The following PPFIA1 variants were observed in gnomAD, a reference collection of about 807,000 sequenced individuals.
PPFIA1 encodes PPFI scaffold protein A1.
Under a neutral mutation model 149.9 loss-of-function variants are expected in PPFIA1, and 25 were observed. The ratio of observed to expected loss-of-function variants is 0.17; its 90% CI spans 0.12 to 0.23. The LOEUF is 0.23. PPFIA1 is among the 10% of genes least tolerant of loss of function. PPFIA1 has a pLI of 1.00. For missense variants in PPFIA1, 1,362 were observed against 1,506.5 expected, an observed-to-expected ratio of 0.90 and a Z score of 1.59; for synonymous variants, 549 against 552.8, an observed-to-expected ratio of 0.99 and a Z score of 0.10.
chr11:70,297,324 G>A (rs1442916429), intron 2 of PPFIA1, among the ~76,000 whole-genome samples: 3 of 151,976 alleles, frequency 2.0e-5, no homozygotes, highest in Admixed American at 6.6e-5. Flanking sequence ...CGAGCGGATC[G>A]CCTGAACCTA....
intron 15 of PPFIA1, among the ~76,000 whole-genome samples, chr11:70,345,073 G>A (rs1439677443): frequency 6.7e-6 from 1 of 148,874 alleles, no homozygotes; most frequent in Admixed American, 6.7e-5. Flanking sequence ...TACTCTAGGA[G>A]AGGGCGAGGA....
intron 2 of PPFIA1, chr11:70,279,256 G>T (rs1487052184): frequency 1.0e-5 from 3 of 293,810 alleles, no homozygotes; most frequent in East Asian, 8.1e-5. Flanking sequence ...AGCTGCCTTT[G>T]TTGGCCTTTC....
At chr11:70,275,643 G>A (rs187561700) in intron 2 of PPFIA1, among the ~76,000 whole-genome samples, 8 of 152,184 alleles carry the variant, frequency 5.3e-5, no homozygotes, top group African/African-American at 1.9e-4. Flanking sequence ...AGTTGACCTT[G>A]CATAATTTCT....
In PPFIA1 at chr11:70,383,227, T is replaced by C. The variant is rs1438135034; in HGVS notation, c.*237T>C. On this transcript the variant is annotated 3_prime_UTR_variant, in exon 28 of 28. Transcript: ENST00000253925. ...ATGTAAACTTATGACTCTTCATTTA[T>C]ATAGTTACTTACTTTTTCATGTATA... 2 of 297,464 alleles carry C rather than the reference T, an allele frequency of 6.7e-6. No individual in the cohort carries two copies. The highest frequency in any genetic ancestry group is 6.3e-6 in the Non-Finnish European group (1 of 159,688). 18.4% of individuals were successfully genotyped at this position (297,464 alleles called of 1,614,324 possible). A position where few individuals can be genotyped will look rare whatever the true frequency, so the allele number is the denominator to read the frequency against.
At chr11:70,276,363 T>C (rs1565329654) in intron 2 of PPFIA1, among the ~76,000 whole-genome samples, 1 of 152,056 alleles carries the variant, frequency 6.6e-6, no homozygotes, top group African/African-American at 2.4e-5. Flanking sequence ...TAAAAAAAAT[T>C]TACAATTGTA....
In PPFIA1 at chr11:70,324,869, G is replaced by T; in HGVS notation, c.389G>T (p.Cys130Phe). 1 of 1,598,156 alleles carries T rather than the reference G, an allele frequency of 6.3e-7. No individual in the cohort carries two copies. The highest frequency in any genetic ancestry group is 8.5e-7 in the Non-Finnish European group (1 of 1,173,908). ...CAGCTGCTGTTAGAGCATTTGGAAT[G>T]CCTTGTCTCCAGGCATGAGCGGTCT... Reference protein sequence around the residue: ...NTRLLLEHLECLVSRHERSLR... With the variant: ...NTRLLLEHLEFLVSRHERSLR... The change falls in exon 4 of 28, where the codon TGC becomes TTC. Residue 130 changes from cysteine to phenylalanine, a missense_variant. Physicochemically the swap from Cys to Phe is radical, Grantham distance 205. Around this residue, in one of 7 missense-constraint regions of PPFIA1, gnomAD observed 79 missense variants for 146.2 expected, o/e 0.54. Coordinates refer to ENST00000253925, the MANE Select transcript of PPFIA1 (RefSeq NM_003626.5).
intron 2 of PPFIA1, among the ~76,000 whole-genome samples, chr11:70,306,610 A>G (rs1425537130): frequency 6.6e-6 from 1 of 152,216 alleles, no homozygotes; most frequent in African/African-American, 2.4e-5. Flanking sequence ...ATAAGGCCCG[A>G]TGTGTGTACT....
chr11:70,276,236 A>G (rs2136014526), intron 2 of PPFIA1, among the ~76,000 whole-genome samples: 1 of 148,748 alleles, frequency 6.7e-6, no homozygotes, highest in South Asian at 2.1e-4. Flanking sequence ...CCTCTCAAGT[A>G]GTTGGAATTA....
chr11:70,284,896 G>T (rs879448169), intron 2 of PPFIA1, among the ~76,000 whole-genome samples: 1 of 152,182 alleles, frequency 6.6e-6, no homozygotes, highest in African/African-American at 2.4e-5. Context: ...GTGAAGACTT[G>T]CTTGTTTTTG....
chr11:70,307,656 C>T (rs1482513085), intron 2 of PPFIA1, among the ~76,000 whole-genome samples: 2 of 152,086 alleles, frequency 1.3e-5, no homozygotes, highest in Non-Finnish European at 2.9e-5. Context: ...TGGGTGTGAT[C>T]GCCCCTGTAG....
At chr11:70,375,240 T>TTG (rs2057441567) in intron 24 of PPFIA1, 147 bp downstream of exon 24, 1 of 275,594 alleles carries the variant, frequency 3.6e-6, no homozygotes, top group African/African-American at 2.3e-5. Flanking sequence ...TTTTTTTTTT[T>TTG]GGTCTATTGG....
chr11:70,293,808 A>G (rs988685174), intron 2 of PPFIA1, among the ~76,000 whole-genome samples: 3 of 152,194 alleles, frequency 2.0e-5, no homozygotes, highest in African/African-American at 7.2e-5. Flanking sequence ...TGAGACCCTC[A>G]GCCTCTGCTT....
intron 23 of PPFIA1, 114 bp from the exon 24 acceptor site, chr11:70,374,804 C>T: frequency 1.0e-6 from 1 of 957,464 alleles, no homozygotes; most frequent in Non-Finnish European, 1.6e-6. Flanking sequence ...GCACTTTTCT[C>T]AGGAGCCGAA....
At chr11:70,377,631 T>C (rs547316351) in intron 25 of PPFIA1, among the ~76,000 whole-genome samples, 1 of 152,216 alleles carries the variant, frequency 6.6e-6, no homozygotes, top group South Asian at 2.1e-4. Flanking sequence ...ACCACTGCAT[T>C]CCAGCTCGGG....
At chr11:70,356,019 T>C in intron 18 of PPFIA1, 142 bp from the exon 19 acceptor site, 3 of 1,019,006 alleles carry the variant, frequency 2.9e-6, no homozygotes, top group Non-Finnish European at 4.6e-6. Flanking sequence ...ATTTCCGTCT[T>C]GGGCATTTGG....
At chr11:70,378,699 C>A in intron 26 of PPFIA1, 1 of 156,680 alleles carries the variant, frequency 6.4e-6, no homozygotes. Flanking sequence ...CATGTCTACC[C>A]ATTAGAGGGC....
chr11:70,335,663 T>G lies in PPFIA1; in HGVS notation c.1397T>G (p.Leu466Arg). The change falls in exon 11 of 28, where the codon CTT becomes CGT. Residue 466 changes from leucine to arginine, a missense_variant. This residue lies in a region of PPFIA1 where 733 missense variants were observed against 744.1 expected (regional missense o/e 0.99). Transcript: ENST00000253925. The stretch of plus-strand genomic sequence containing the variant: ...TCTAATGAGAGGCTTCAACTTCATC[T>G]TAAAGAGAGAATGGCTGCTTTGGAA... ...SESNERLQLH[L>R]KERMAALEDK... The G allele has an allele frequency of 4.3e-6, 7 of 1,614,100 alleles. No homozygotes were observed. The highest frequency in any genetic ancestry group is 5.9e-6 in the Non-Finnish European group (7 of 1,179,986).
Position 70,376,519 on chromosome 11 carries a change from T to G in PPFIA1, c.3316-13T>G. On this transcript the variant is annotated splice_polypyrimidine_tract_variant and intron_variant, in intron 24 of 27. Transcript: ENST00000253925. Reference sequence around the variant, plus strand: ...TGATGAAAGTTTTATTTGTTTTTCTTTGGTTATTTCAGGCTCGTGCTGTCT... The same window carrying G: ...TGATGAAAGTTTTATTTGTTTTTCTGTGGTTATTTCAGGCTCGTGCTGTCT... The G allele has an allele frequency of 6.2e-7, 1 of 1,608,082 alleles. No homozygotes were observed. Among genetic ancestry groups the G allele is most frequent in the South Asian group, 1.1e-5 (1 of 90,906 alleles).
intron 2 of PPFIA1, among the ~76,000 whole-genome samples, chr11:70,294,867 G>T (rs566486256): frequency 6.6e-6 from 1 of 151,350 alleles, no homozygotes; most frequent in Non-Finnish European, 1.5e-5. Context: ...CACAGGGTTG[G>T]GGGGTAAGGT....
Sources: allele counts gnomAD v4.1 joint callset (sites outside exome capture counted in the v4.1 genomes callset), GRCh38; gene constraint gnomAD v4.1.1; regional missense constraint gnomAD v4.1.1; transcripts MANE v1.5; gene names NCBI Gene and HGNC (gene_info 2026-07-23, HGNC 2026-07-21).